Variants in TBCK observed in about 807,000 individuals in gnomAD.
The protein encoded by TBCK is TBC domain-containing protein kinase-like protein.
TBCK carries 99 observed loss-of-function variants against 113.4 expected under a neutral mutation model. The ratio of observed to expected loss-of-function variants is 0.87; its 90% CI spans 0.74 to 1.03. The LOEUF (loss-of-function observed/expected upper bound fraction) is 1.03, where lower values mean the gene tolerates loss of function less well. Among genes scored for constraint, TBCK ranks in the 50% least tolerant of loss-of-function variants. TBCK has a pLI of 0.00. For synonymous variants in TBCK, 369 were observed against 370.8 expected, an observed-to-expected ratio of 1.00 and a Z score of 0.05; for missense variants, 1,045 against 1,061.3, an observed-to-expected ratio of 0.98 and a Z score of 0.21.
intron 3 of TBCK, among the ~76,000 whole-genome samples, chr4:106,279,629 G>C (rs1027915166): frequency 6.6e-6 from 1 of 151,932 alleles, no homozygotes; most frequent in Non-Finnish European, 1.5e-5. Context: ...CCAGCCTCTG[G>C]TAACCATCCT....
At chr4:106,093,348 T>G (rs1341896111) in intron 25 of TBCK, among the ~76,000 whole-genome samples, 2 of 151,964 alleles carry the variant, frequency 1.3e-5, no homozygotes, top group African/African-American at 4.8e-5. Flanking sequence ...CTACTAAAAA[T>G]ACGAAAAAAT....
At chr4:106,062,118 T>TA (rs1259250896) in intron 25 of TBCK, among the ~76,000 whole-genome samples, 1 of 151,858 alleles carries the variant, frequency 6.6e-6, no homozygotes, top group African/African-American at 2.4e-5. Flanking sequence ...GTTAGTGACT[T>TA]AGTGTTTGTG....
intron 5 of TBCK, among the ~76,000 whole-genome samples, chr4:106,256,496 C>T (rs917858073): frequency 2.6e-5 from 4 of 152,158 alleles, no homozygotes; most frequent in Non-Finnish European, 2.9e-5. Flanking sequence ...ACCCCAACAT[C>T]GCTCCAAGAT....
At chr4:106,259,124 T>C (rs1395704755) in intron 5 of TBCK, among the ~76,000 whole-genome samples, 1 of 151,912 alleles carries the variant, frequency 6.6e-6, no homozygotes, top group East Asian at 1.9e-4. Context: ...TCAATAAATG[T>C]TTCCTCACTG....
In TBCK at chr4:106,077,569, T is replaced by A. The variant is rs1289819579; in HGVS notation, c.2571+17913A>T. Reference sequence around the variant, plus strand: ...GCAACAACAATCGAACAAAGAAAAATATTACATAATAATAAGGGGCTCAAT... The same window carrying A: ...GCAACAACAATCGAACAAAGAAAAAAATTACATAATAATAAGGGGCTCAAT... On this transcript the variant is annotated intron_variant, in intron 25 of 25. Coordinates refer to ENST00000394708, the MANE Select transcript of TBCK (RefSeq NM_001163435.3). Among the ~76,000 whole-genome samples the A allele has an allele frequency of 2.0e-5, 3 of 151,818 alleles. No individual in the cohort carries two copies. In the South Asian group the frequency reaches 6.2e-4, roughly 32 times the overall value.
chr4:106,146,658 CT>C (rs1294640773), intron 23 of TBCK, among the ~76,000 whole-genome samples: 1 of 152,168 alleles, frequency 6.6e-6, no homozygotes, highest in African/African-American at 2.4e-5. Context: ...AAGTCATAAT[CT>C]TTTTGCTGGT....
At chr4:106,149,563 A>C (rs1748239184) in intron 23 of TBCK, among the ~76,000 whole-genome samples, 1 of 152,288 alleles carries the variant, frequency 6.6e-6, no homozygotes, top group Admixed American at 6.5e-5. Flanking sequence ...AGCAATGAGA[A>C]CGCACATATT....
At chr4:106,241,368 A>G (rs1227947808) in intron 12 of TBCK, among the ~76,000 whole-genome samples, 1 of 151,948 alleles carries the variant, frequency 6.6e-6, no homozygotes, top group Non-Finnish European at 1.5e-5. Context: ...TCAAAACCCT[A>G]TAATTTTTTA....
At chr4:106,303,472 C>A (rs1404567473) in intron 2 of TBCK, among the ~76,000 whole-genome samples, 1 of 152,026 alleles carries the variant, frequency 6.6e-6, no homozygotes, top group African/African-American at 2.4e-5. Flanking sequence ...GTTCACAGAC[C>A]TCCCAAAGCC....
chr4:106,246,504 A>G (rs1002164938), intron 10 of TBCK, among the ~76,000 whole-genome samples: 1 of 152,098 alleles, frequency 6.6e-6, no homozygotes, highest in Non-Finnish European at 1.5e-5. Context: ...ATTTTTAGAG[A>G]TCATTTATAA....
chr4:106,285,516 C>T (rs1253038290), intron 3 of TBCK, among the ~76,000 whole-genome samples: 1 of 151,956 alleles, frequency 6.6e-6, no homozygotes, highest in Admixed American at 6.6e-5. Context: ...TCTCTAAATT[C>T]CTAGTTTTCA....
intron 23 of TBCK, among the ~76,000 whole-genome samples, chr4:106,151,573 A>G (rs1340934467): frequency 6.6e-6 from 1 of 152,018 alleles, no homozygotes; most frequent in Non-Finnish European, 1.5e-5. Flanking sequence ...TTGTGGTTGC[A>G]TATAACAACC....
chr4:106,231,131 C>T (rs963070166), intron 18 of TBCK, among the ~76,000 whole-genome samples: 1 of 151,438 alleles, frequency 6.6e-6, no homozygotes, highest in Non-Finnish European at 1.5e-5. Context: ...TATACAGTAA[C>T]ACACTCTATA....
chr4:106,051,334 T>C (rs1042209396), intron 25 of TBCK, among the ~76,000 whole-genome samples: 2 of 151,868 alleles, frequency 1.3e-5, no homozygotes, highest in African/African-American at 4.8e-5. Context: ...TTGAAGTTGA[T>C]ACTGGAGACT....
At chr4:106,282,353 CTT>C (rs752373490) in intron 3 of TBCK, among the ~76,000 whole-genome samples, 5 of 151,742 alleles carry the variant, frequency 3.3e-5, no homozygotes, top group African/African-American at 9.7e-5. Context: ...ACAAAACAAA[CTT>C]TTCATTTCAC....
At chr4:106,188,435 G>A (rs1293721567) in intron 22 of TBCK, among the ~76,000 whole-genome samples, 2 of 152,106 alleles carry the variant, frequency 1.3e-5, no homozygotes, top group Admixed American at 1.3e-4. Flanking sequence ...ACATTCAATA[G>A]TAAAGCAAAT....
intron 19 of TBCK, among the ~76,000 whole-genome samples, chr4:106,219,695 A>G (rs1757439934): frequency 6.6e-6 from 1 of 151,944 alleles, no homozygotes; most frequent in Non-Finnish European, 1.5e-5. Context: ...ACATATTTCA[A>G]TGAGCTCAAC....
intron 23 of TBCK, among the ~76,000 whole-genome samples, chr4:106,144,537 GC>G (rs1349672212): frequency 4.6e-5 from 7 of 152,252 alleles, no homozygotes; most frequent in African/African-American, 1.7e-4. Context: ...GTTGAAAAGT[GC>G]CTGGCACATG....
chr4:106,106,316 G>A (rs2149541545), intron 24 of TBCK, among the ~76,000 whole-genome samples: 1 of 152,232 alleles, frequency 6.6e-6, no homozygotes, highest in African/African-American at 2.4e-5. Flanking sequence ...TTCTACGCAA[G>A]ATCATACATG....
Sources: gnomAD v4.1 joint callset for allele counts (sites outside exome capture counted in the v4.1 genomes callset) on GRCh38, gnomAD v4.1.1 for gene constraint, MANE v1.5 for transcripts, NCBI Gene and HGNC (gene_info 2026-07-23, HGNC 2026-07-21) for gene names.